C14orf93: variants seen among roughly 807,000 people sequenced by gnomAD.
C14orf93 encodes chromosome 14 open reading frame 93.
C14orf93 carries 23 observed loss-of-function variants against 44.0 expected under a neutral mutation model. The ratio of observed to expected loss-of-function variants is 0.52; its 90% CI spans 0.38 to 0.74. C14orf93 has a LOEUF of 0.74. Ranked by LOEUF, C14orf93 falls within the 30% of genes least tolerant of loss-of-function variation. The pLI is 0.00. For synonymous variants in C14orf93, 253 were observed against 265.7 expected (o/e 0.95, Z 0.46); for missense variants, 579 against 678.9 (o/e 0.85, Z 1.64).
At position 22,996,380 on chromosome 14, in the gene C14orf93, T is replaced by A; in HGVS notation, c.598-112A>T. 1 of 1,068,492 alleles carries A rather than the reference T, an allele frequency of 9.4e-7. No individual in the cohort carries two copies. Among genetic ancestry groups the A allele is most frequent in the Non-Finnish European group, 1.3e-6 (1 of 760,222 alleles). The allele number at this position is 1,068,492 out of a possible 1,614,324, so 66.2% of individuals were successfully genotyped here. A position where few individuals can be genotyped will look rare whatever the true frequency, so the allele number is the denominator to read the frequency against. On this transcript the variant is annotated intron_variant, in intron 2 of 6. Transcript: ENST00000299088. This position sits in a 1 kb window ranked among gnomAD's most constrained non-coding sequence, Gnocchi z 4.1. ...CAGAAAGTGGAAAGAAGGGGAACTCTAGCACAGTCTTTAATGGTCAATGGC... is the reference window on the plus strand; with the variant it reads ...CAGAAAGTGGAAAGAAGGGGAACTCAAGCACAGTCTTTAATGGTCAATGGC...
At chr14:22,995,142 T>A (rs1048877101) in intron 3 of C14orf93, among the ~76,000 whole-genome samples, 6 of 152,188 alleles carry the variant, frequency 3.9e-5, no homozygotes, top group Non-Finnish European at 8.8e-5. Flanking sequence ...GGCCAGTCCC[T>A]TCCTGGCTAA....
intron 1 of C14orf93, chr14:23,005,150 T>C (rs1254285815): frequency 1.3e-5 from 2 of 151,128 alleles, no homozygotes; most frequent in African/African-American, 4.9e-5. Context: ...AAAAAAAAAA[T>C]TACAGGACTT....
chr14:23,000,665 G>A (rs965962940), intron 1 of C14orf93, among the ~76,000 whole-genome samples: 5 of 146,946 alleles, frequency 3.4e-5, no homozygotes, highest in African/African-American at 1.0e-4. Flanking sequence ...GCAGTGAGCC[G>A]AGATGGTGCC....
At chr14:22,992,269 CA>C (rs2139493985) in intron 3 of C14orf93, among the ~76,000 whole-genome samples, 1 of 151,974 alleles carries the variant, frequency 6.6e-6, no homozygotes, top group South Asian at 2.1e-4. Flanking sequence ...AGCTCGAGAC[CA>C]GCCTGACCAA....
chr14:23,003,716 G>A (rs2046421679), intron 1 of C14orf93, among the ~76,000 whole-genome samples: 2 of 150,722 alleles, frequency 1.3e-5, no homozygotes, highest in South Asian at 4.2e-4. Context: ...CAGGAGGATG[G>A]CTTGAACCCA....
chr14:22,990,226 C>T, intron 3 of C14orf93, 99 bp from the exon 4 acceptor site: 1 of 999,782 alleles, frequency 1.0e-6, no homozygotes, highest in Non-Finnish European at 1.5e-6. Context: ...CTAAGGGGCT[C>T]TCTGCCTGAA....
chr14:22,986,139 T>A lies in C14orf93; in HGVS notation c.*1076A>T, dbSNP rs2045218829. ...CAGTTCCCTGTTTGGAACACTCTCT[T>A]AGCCTCCCCTTTCCTTCTGGTTAAC... On this transcript the variant is annotated 3_prime_UTR_variant, in exon 7 of 7. Coordinates refer to ENST00000299088, the MANE Select transcript of C14orf93 (RefSeq NM_021944.4). The A allele has an allele frequency of 6.6e-6, 1 of 152,260 alleles. No homozygotes were observed. The highest frequency in any genetic ancestry group is 2.4e-5 in the African/African-American group (1 of 41,454). The allele number at this position is 152,260 out of a possible 1,614,324, so 9.4% of individuals were successfully genotyped here.
intron 5 of C14orf93, among the ~76,000 whole-genome samples, chr14:22,988,415 G>A (rs776108847): frequency 4.6e-5 from 7 of 152,184 alleles, no homozygotes; most frequent in Non-Finnish European, 8.8e-5. Context: ...GTGAGCAGCC[G>A]TGCCTGGCCT....
chr14:22,990,169 T>C (rs1168112641), intron 3 of C14orf93, 42 bp from the exon 4 acceptor site: 1 of 1,559,470 alleles, frequency 6.4e-7, no homozygotes, highest in East Asian at 2.2e-5. Flanking sequence ...CAAGAGTGGA[T>C]GTTATGAAAA....
At chr14:23,001,151 A>T (rs1159348077) in intron 1 of C14orf93, 1 of 152,052 alleles carries the variant, frequency 6.6e-6, no homozygotes, top group Non-Finnish European at 1.5e-5. Flanking sequence ...AAGGGCCTAC[A>T]CTGCTCCTGC....
rs1170432984 is a variant in C14orf93, at chr14:23,003,898, A to AT, written c.-379-4497dup. On this transcript the variant is annotated intron_variant, in intron 1 of 6. Coordinates refer to ENST00000299088, the MANE Select transcript of C14orf93 (RefSeq NM_021944.4). The stretch of plus-strand genomic sequence containing the variant: ...TATATATATATATATATATATATAT[A>AT]TTTTTTTTTTTTTTTTTTTTTTTTT... 6.0e-3 allele frequency among the ~76,000 whole-genome samples: 62 copies of AT among 10,378 alleles called. 10 individuals are homozygous for AT. The highest frequency in any genetic ancestry group is 6.8e-3 in the Non-Finnish European group (48 of 7,024). 6.8% of individuals were successfully genotyped at this position (10,378 alleles called of 152,430 possible).
At chr14:22,990,044 T>G in intron 4 of C14orf93, 22 bp downstream of exon 4, 2 of 1,599,830 alleles carry the variant, frequency 1.3e-6, no homozygotes. Context: ...CTTCTAATTC[T>G]TTTTCCTCAA....
chr14:23,004,552 A>G (rs889152364), intron 1 of C14orf93, among the ~76,000 whole-genome samples: 1 of 152,196 alleles, frequency 6.6e-6, no homozygotes, highest in Non-Finnish European at 1.5e-5. Flanking sequence ...GTCTCTACCT[A>G]TAAGGCACTT....
At chr14:22,992,580 T>C (rs1290024774) in intron 3 of C14orf93, among the ~76,000 whole-genome samples, 1 of 151,552 alleles carries the variant, frequency 6.6e-6, no homozygotes, top group East Asian at 1.9e-4. Context: ...TATTTATTTT[T>C]ATTTTTTATT....
chr14:22,995,842 CA>C, intron 3 of C14orf93, 105 bp downstream of exon 3: 1 of 1,073,260 alleles, frequency 9.3e-7, no homozygotes, highest in Non-Finnish European at 1.3e-6. Context: ...TGGTAGGATT[CA>C]GTACAGCATT....
At chr14:23,008,016 G>A (rs2139843974) in intron 1 of C14orf93, among the ~76,000 whole-genome samples, 1 of 152,180 alleles carries the variant, frequency 6.6e-6, no homozygotes, top group South Asian at 2.1e-4. Context: ...AGCCCGGCAT[G>A]GTGGCACATG....
Position 22,996,181 on chromosome 14 carries a change from G to C in C14orf93, c.685C>G (p.Leu229Val), listed in dbSNP as rs150643298. 1 of 1,613,568 alleles carries C rather than the reference G, an allele frequency of 6.2e-7. No individual in the cohort carries two copies. The highest frequency in any genetic ancestry group is 1.3e-5 in the African/African-American group (1 of 75,046). Residue 229 changes from leucine (L) to valine (V), a missense_variant, in exon 3 of 7, where the codon CTG becomes GTG. Transcript: ENST00000299088. The surrounding 1 kb of genome is among the most constrained non-coding windows in gnomAD (Gnocchi z 4.1). ...YAKQLSPATQ[L>V]AIQRATPETG... is the part of the protein sequence containing the mutation. Reference sequence around the variant, plus strand: ...TCTGGGGTTGCCCGCTGGATTGCCAGTTGTGTGGCTGGTGAGAGTTGCTTG... The same window carrying C: ...TCTGGGGTTGCCCGCTGGATTGCCACTTGTGTGGCTGGTGAGAGTTGCTTG...
chr14:23,002,567 T>G (rs2046367595), intron 1 of C14orf93: 1 of 150,898 alleles, frequency 6.6e-6, no homozygotes, highest in Non-Finnish European at 1.5e-5. Context: ...CTATCTACTT[T>G]GAGTGGTTTT....
At chr14:22,994,807 C>T (rs2045875324) in intron 3 of C14orf93, among the ~76,000 whole-genome samples, 1 of 151,932 alleles carries the variant, frequency 6.6e-6, no homozygotes, top group African/African-American at 2.4e-5. Context: ...GAAGGTTTCT[C>T]AACCTCTTCA....
Sources: gnomAD v4.1 joint callset for allele counts (sites outside exome capture counted in the v4.1 genomes callset) on GRCh38, gnomAD v4.1.1 for gene constraint, Gnocchi (gnomAD v3.1) non-coding constraint, MANE v1.5 for transcripts, NCBI Gene and HGNC (gene_info 2026-07-23, HGNC 2026-07-21) for gene names.